Variants in TPCN2 observed in about 807,000 individuals in gnomAD.
TPCN2 encodes the protein two pore channel protein 2.
In TPCN2, 92 loss-of-function variants were observed where a neutral mutation model predicts 111.4. That is an observed-to-expected ratio of 0.83 (90% CI 0.70 to 0.98). The LOEUF is 0.98. Ranked by LOEUF, TPCN2 falls within the 50% of genes least tolerant of loss-of-function variation. The pLI is 0.00. For missense variants in TPCN2, 995 were observed against 980.1 expected, an observed-to-expected ratio of 1.02 and a Z score of -0.20; for synonymous variants, 405 against 414.5, an observed-to-expected ratio of 0.98 and a Z score of 0.28.
chr11:69,076,375 C>T (rs996147143), intron 13 of TPCN2, among the ~76,000 whole-genome samples: 11 of 152,124 alleles, frequency 7.2e-5, no homozygotes, highest in African/African-American at 2.7e-4. Flanking sequence ...GGCCTTTGGG[C>T]ACTGGTTTCC....
intron 7 of TPCN2, among the ~76,000 whole-genome samples, chr11:69,065,428 G>A (rs1024652612): frequency 8.5e-5 from 13 of 152,200 alleles, no homozygotes; most frequent in African/African-American, 2.7e-4. Context: ...TCCTCCAGGC[G>A]TGGGTTTCTG....
intron 8 of TPCN2, among the ~76,000 whole-genome samples, chr11:69,069,175 G>A (rs1179407276): frequency 7.1e-6 from 1 of 141,652 alleles, no homozygotes; most frequent in Non-Finnish European, 1.5e-5. Context: ...GAGCAGGACT[G>A]TCTGAGTCCT....
At chr11:69,086,030 C>G in intron 22 of TPCN2, 100 bp downstream of exon 22, 2 of 1,239,150 alleles carry the variant, frequency 1.6e-6, no homozygotes, top group Non-Finnish European at 2.3e-6. Context: ...CGGAGCGTGG[C>G]TGGGACGGGG....
intron 7 of TPCN2, among the ~76,000 whole-genome samples, chr11:69,065,019 CTG>C (rs781519126): frequency 4.1e-5 from 6 of 147,180 alleles, no homozygotes; most frequent in Admixed American, 1.4e-4. Flanking sequence ...TGCATGGTGT[CTG>C]TATGTCTGTG....
chr11:69,069,742 G>T (rs1233361456), intron 8 of TPCN2, among the ~76,000 whole-genome samples: 8 of 126,146 alleles, frequency 6.3e-5, no homozygotes, highest in Admixed American at 5.3e-4. Context: ...GGAAGTGACC[G>T]CACTGGGAGC....
intron 15 of TPCN2, 27 bp from the exon 16 acceptor site, chr11:69,078,865 G>A (rs375284837): frequency 1.9e-6 from 3 of 1,614,038 alleles, no homozygotes; most frequent in Non-Finnish European, 2.5e-6. Flanking sequence ...GGGGCCCAAT[G>A]CTGGGTGCCT....
intron 1 of TPCN2, among the ~76,000 whole-genome samples, chr11:69,050,041 G>A (rs1861151259): frequency 6.6e-6 from 1 of 152,216 alleles, no homozygotes; most frequent in Admixed American, 6.5e-5. Context: ...CTGTCTGGAA[G>A]GAACTGGGTT....
intron 13 of TPCN2, among the ~76,000 whole-genome samples, chr11:69,074,219 T>G (rs3019745): frequency 1 from 152,332 of 152,348 alleles, 76,158 homozygotes; most frequent in Non-Finnish European, 1. Flanking sequence ...CAGACCTCTG[T>G]AGTCAGGCCC....
In TPCN2 at chr11:69,071,435, C is replaced by T. The variant is rs768059695; in HGVS notation, c.960+15C>T. ...GCTACCTGATGGTGAGCGAGCTCCCCAATGCTGGCTGTGCCTGGAGCTGCC... is the reference window on the plus strand; with the variant it reads ...GCTACCTGATGGTGAGCGAGCTCCCTAATGCTGGCTGTGCCTGGAGCTGCC... On this transcript the variant is annotated intron_variant, in intron 10 of 24. Transcript: ENST00000294309. 1 of 1,610,620 alleles carries T rather than the reference C, an allele frequency of 6.2e-7. No homozygotes were observed. Among genetic ancestry groups the T allele is most frequent in the Non-Finnish European group, 8.5e-7 (1 of 1,178,242 alleles).
At chr11:69,086,454 G>A in intron 22 of TPCN2, 69 bp from the exon 23 acceptor site, 3 of 1,306,548 alleles carry the variant, frequency 2.3e-6, no homozygotes, top group East Asian at 2.3e-5. Flanking sequence ...CCACGCAGCA[G>A]TGGTGTTTGT....
At chr11:69,077,710 C>T (rs576945342) in intron 13 of TPCN2, among the ~76,000 whole-genome samples, 1 of 152,340 alleles carries the variant, frequency 6.6e-6, no homozygotes, top group African/African-American at 2.4e-5. Flanking sequence ...TGCAGCCTGC[C>T]TGTTCACGCA....
intron 7 of TPCN2, among the ~76,000 whole-genome samples, chr11:69,064,595 G>A (rs1189827815): frequency 6.6e-6 from 1 of 152,144 alleles, no homozygotes; most frequent in African/African-American, 2.4e-5. Context: ...TTGTCCTCCT[G>A]TCCTGGCCGA....
intron 8 of TPCN2, among the ~76,000 whole-genome samples, chr11:69,068,927 C>G (rs370056457): frequency 6.1e-4 from 2 of 3,298 alleles, no homozygotes; most frequent in African/African-American, 8.5e-4. Context: ...AGTGACCGCA[C>G]TGGGAGCAGG....
At chr11:69,066,645 G>A (rs777411104) in intron 7 of TPCN2, among the ~76,000 whole-genome samples, 1 of 152,206 alleles carries the variant, frequency 6.6e-6, no homozygotes, top group Non-Finnish European at 1.5e-5. Flanking sequence ...GCCTGCCTGC[G>A]GGGTTGCCCC....
At chr11:69,074,262 G>C (rs535295747) in intron 13 of TPCN2, among the ~76,000 whole-genome samples, 1 of 152,320 alleles carries the variant, frequency 6.6e-6, no homozygotes, top group East Asian at 1.9e-4. Context: ...CCACGCACTC[G>C]TCCCCATCCT....
chr11:69,084,058 GTGGGAGGC>G (rs1014125462), intron 19 of TPCN2, 42 bp downstream of exon 19: 6 of 1,599,194 alleles, frequency 3.8e-6, no homozygotes, highest in African/African-American at 1.3e-5. Context: ...ATGCACTGGA[GTGGGAGGC>G]TGGGAGGCTG....
chr11:69,066,280 C>T (rs1855270342), intron 7 of TPCN2, among the ~76,000 whole-genome samples: 1 of 152,154 alleles, frequency 6.6e-6, no homozygotes, highest in Admixed American at 6.5e-5. Context: ...GCCTGCCCTC[C>T]AGGCCTCGGA....
chr11:69,060,825 C>T (rs984053625), intron 5 of TPCN2, among the ~76,000 whole-genome samples: 1 of 152,200 alleles, frequency 6.6e-6, no homozygotes, highest in African/African-American at 2.4e-5. Context: ...GTTATCAGGC[C>T]CTAAGACCAG....
chr11:69,065,818 A>G (rs1045918727), intron 7 of TPCN2, among the ~76,000 whole-genome samples: 2 of 151,936 alleles, frequency 1.3e-5, no homozygotes, highest in Admixed American at 6.6e-5. Flanking sequence ...CATTTTACAG[A>G]TGTTTCTCAG....
Sources: gnomAD v4.1 joint callset for allele counts (sites outside exome capture counted in the v4.1 genomes callset) on GRCh38, gnomAD v4.1.1 for gene constraint, MANE v1.5 for transcripts, NCBI Gene and HGNC (gene_info 2026-07-23, HGNC 2026-07-21) for gene names.